RPS19BP1: variants seen among roughly 807,000 people sequenced by gnomAD.
RPS19BP1 encodes active regulator of SIRT1.
RPS19BP1 carries 14 observed loss-of-function variants against 16.6 expected under a neutral mutation model. The ratio of observed to expected loss-of-function variants is 0.84; its 90% CI spans 0.56 to 1.32. The LOEUF (loss-of-function observed/expected upper bound fraction) is 1.32, where lower values mean the gene tolerates loss of function less well. Among genes scored for constraint, RPS19BP1 ranks in the 40% most tolerant of loss-of-function variants. The probability of loss-of-function intolerance (pLI) is 0.00; values close to 1 mark genes in which losing one functional copy is unlikely to be tolerated. For missense variants in RPS19BP1, 188 were observed against 178.6 expected (o/e 1.05, Z -0.30); for synonymous variants, 90 against 77.3 (o/e 1.16, Z -0.86).
intron 2 of RPS19BP1, 61 bp downstream of exon 2, chr22:39,532,334 C>G: frequency 6.2e-7 from 1 of 1,610,600 alleles, no homozygotes; most frequent in Admixed American, 1.7e-5. Context: ...CAAGCGCCAC[C>G]TCCTCTGGGG....
intron 3 of RPS19BP1, 53 bp from the exon 4 acceptor site, chr22:39,529,676 G>A: frequency 1.9e-6 from 3 of 1,607,782 alleles, no homozygotes; most frequent in Non-Finnish European, 1.7e-6. Context: ...GAGGAGGCCC[G>A]CAAAGGTCAC....
chr22:39,529,763 G>A (rs934227473), intron 3 of RPS19BP1, 57 bp downstream of exon 3: 83 of 1,599,748 alleles, frequency 5.2e-5, no homozygotes, highest in Non-Finnish European at 7.1e-5. Context: ...TGGGTCCCTA[G>A]GGGAACAGCC....
chr22:39,530,891 A>G (rs1226675457), intron 2 of RPS19BP1: 1 of 152,188 alleles, frequency 6.6e-6, no homozygotes, highest in Admixed American at 6.6e-5. Flanking sequence ...AGCCACCCAG[A>G]GGAAAAACAA....
chr22:39,530,449 T>C, intron 2 of RPS19BP1: 1 of 238,772 alleles, frequency 4.2e-6, no homozygotes, highest in Non-Finnish European at 8.7e-6. Context: ...AATGGCTGGG[T>C]GCGGTGGCTC....
rs1931240687 is a variant in RPS19BP1, at chr22:39,529,340, C to T, written c.*152G>A. 1.9e-6 allele frequency: 2 copies of T among 1,049,046 alleles called. No homozygotes were observed. The highest frequency in any genetic ancestry group is 1.6e-5 in the African/African-American group (1 of 62,016). 65.0% of individuals were successfully genotyped at this position (1,049,046 alleles called of 1,614,324 possible). A position where few individuals can be genotyped will look rare whatever the true frequency, so the allele number is the denominator to read the frequency against. ...GACTTCCGGCCCACCAGCTCCATTCCAGCCTCCACTCGGCTCAGCTCCGCG... is the reference window on the plus strand; with the variant it reads ...GACTTCCGGCCCACCAGCTCCATTCTAGCCTCCACTCGGCTCAGCTCCGCG... On this transcript the variant is annotated 3_prime_UTR_variant, in exon 4 of 4. Coordinates refer to ENST00000334678, the MANE Select transcript of RPS19BP1 (RefSeq NM_194326.4).
At chr22:39,530,736 A>C (rs531875132) in intron 2 of RPS19BP1, 1,966 of 155,122 alleles carry the variant, frequency 0.013, 29 homozygotes, top group African/African-American at 0.033. Flanking sequence ...AAAAAAAAAA[A>C]AAACAAACCA....
At chr22:39,531,362 C>T (rs1444324424) in intron 2 of RPS19BP1, 4 of 152,240 alleles carry the variant, frequency 2.6e-5, no homozygotes, top group African/African-American at 9.6e-5. Context: ...ATTCATAATT[C>T]TTTTAACAAA....
chr22:39,530,568 A>T (rs1931282251), intron 2 of RPS19BP1: 1 of 286,930 alleles, frequency 3.5e-6, no homozygotes, highest in Non-Finnish European at 7.1e-6. Context: ...TATTAAAAAT[A>T]ACGAAAATTA....
Position 39,529,383 on chromosome 22 carries a change from T to A in RPS19BP1, c.*109A>T. 4 of 1,448,384 alleles carry A rather than the reference T, an allele frequency of 2.8e-6. No individual in the cohort carries two copies. The highest frequency in any genetic ancestry group is 3.8e-6 in the Non-Finnish European group (4 of 1,064,344). The allele number at this position is 1,448,384 out of a possible 1,614,324, so 89.7% of individuals were successfully genotyped here. On this transcript the variant is annotated 3_prime_UTR_variant, in exon 4 of 4. Coordinates refer to ENST00000334678, the MANE Select transcript of RPS19BP1 (RefSeq NM_194326.4). ...GCTCCGCGGCTTCCTCGAGCCAGGC[T>A]GGTCCTGCATCGCCATCTGCTGGCC...
Position 39,532,400 on chromosome 22 carries a change from G to A in RPS19BP1, c.176C>T (p.Ala59Val), listed in dbSNP as rs1286501669. ...NSAKGKVPKS[A>V]LDEYRKRECR... ...CAGCCCCTTCCCGAACTTACCCAGT[G>A]CCGACTTGGGCACCTTTCCCTTGGC... Residue 59 changes from alanine to valine, a missense_variant, in exon 2 of 4, where the codon GCA becomes GTA. By Grantham distance (64) the Ala-to-Val change is moderately conservative. Coordinates refer to ENST00000334678, the MANE Select transcript of RPS19BP1 (RefSeq NM_194326.4). The A allele has an allele frequency of 3.7e-6, 6 of 1,614,108 alleles. No homozygotes were observed. In the African/African-American group the frequency reaches 8.0e-5, roughly 22 times the overall value.
intron 2 of RPS19BP1, chr22:39,530,322 C>T (rs1236169526): frequency 1.3e-5 from 3 of 232,914 alleles, no homozygotes; most frequent in Non-Finnish European, 2.6e-5. Flanking sequence ...TGAAATGACT[C>T]GAAGAGAGCT....
chr22:39,529,182 C>T lies in RPS19BP1; in HGVS notation c.*310G>A. 1 of 386,234 alleles carries T rather than the reference C, an allele frequency of 2.6e-6. No individual in the cohort carries two copies. The highest frequency in any genetic ancestry group is 4.8e-6 in the Non-Finnish European group (1 of 208,644). 23.9% of individuals were successfully genotyped at this position (386,234 alleles called of 1,614,324 possible). ...CCCAAGGGCTCAGGAATTAGCCTTG[C>T]TCCACAGCAAACAGCCCAGAGGCCC... is the stretch of plus-strand genomic sequence containing the variant. On this transcript the variant is annotated 3_prime_UTR_variant, in exon 4 of 4. Coordinates refer to ENST00000334678, the MANE Select transcript of RPS19BP1 (RefSeq NM_194326.4).
Position 39,529,913 on chromosome 22 carries a change from CTCG to C in RPS19BP1, c.183_185del (p.Asp61del). 6.2e-7 allele frequency: 1 copy of C among 1,613,884 alleles called. No homozygotes were observed. The highest frequency in any genetic ancestry group is 1.1e-5 in the South Asian group (1 of 91,074). On this transcript the variant is annotated inframe_deletion and splice_region_variant, in exon 3 of 4. Coordinates refer to ENST00000334678, the MANE Select transcript of RPS19BP1 (RefSeq NM_194326.4). ...GGTCTCGACACTCTCGCTTCCGGTA[CTCG>C]TCTGTGGGTAGCAGGCAGGGAGCAC...
chr22:39,531,717 C>A (rs1435996079), intron 2 of RPS19BP1: 1 of 152,382 alleles, frequency 6.6e-6, no homozygotes, highest in Non-Finnish European at 1.5e-5. Flanking sequence ...AGACACAATG[C>A]CCGGGCAGCC....
chr22:39,530,079 T>G, intron 2 of RPS19BP1, 162 bp from the exon 3 acceptor site: 2 of 632,732 alleles, frequency 3.2e-6, no homozygotes, highest in Non-Finnish European at 5.6e-6. Flanking sequence ...CAGGTCCTGC[T>G]GAAAGCCCCA....
rs565234604 is a variant in RPS19BP1 at position 39,530,342 on chromosome 22, C to T, written c.182-425G>A. 5.5e-5 allele frequency: 12 copies of T among 217,564 alleles called. 2 individuals are homozygous for T. The highest frequency in any genetic ancestry group is 2.6e-4 in the African/African-American group (11 of 42,438). 13.5% of individuals were successfully genotyped at this position (217,564 alleles called of 1,614,324 possible). A position where few individuals can be genotyped will look rare whatever the true frequency, so the allele number is the denominator to read the frequency against. On this transcript the variant is annotated intron_variant, in intron 2 of 3. Transcript: ENST00000334678. ...TGACTCGAAGAGAGCTGTGGATATC[C>T]GGGGAAAGAGCATTTGTCTAGGTAG... is the stretch of plus-strand genomic sequence containing the variant.
rs144098340 is a variant in RPS19BP1, at chr22:39,529,854, G to T, written c.245C>A (p.Thr82Lys). 1.2e-4 allele frequency: 195 copies of T among 1,614,000 alleles called. No homozygotes were observed. The highest frequency in any genetic ancestry group is 1.5e-4 in the Non-Finnish European group (178 of 1,180,032). The change falls in exon 3 of 4, where the codon ACG (threonine) becomes AAG (lysine). Residue 82 changes from threonine (T) to lysine (K), a missense_variant. Transcript: ENST00000334678. ...LRVNLKFLTRTRSTVAESVSQ... is the reference protein window; with the variant it reads ...LRVNLKFLTRKRSTVAESVSQ... The stretch of plus-strand genomic sequence containing the variant: ...CACAGACTCAGCCACGGTGCTTCTC[G>T]TCCTGGTCAGAAACTTCAGGTTTAC...
intron 2 of RPS19BP1, 144 bp downstream of exon 2, chr22:39,532,251 T>A: frequency 8.7e-7 from 1 of 1,154,938 alleles, no homozygotes; most frequent in Non-Finnish European, 1.2e-6. Context: ...CACCTTCGTA[T>A]GTCCAGGGCC....
In RPS19BP1 at chr22:39,529,286, GCT is replaced by G. The variant is rs1489095369; in HGVS notation, c.*204_*205del. 1 of 651,156 alleles carries G rather than the reference GCT, an allele frequency of 1.5e-6. No homozygotes were observed. Among genetic ancestry groups the G allele is most frequent in the African/African-American group, 1.8e-5 (1 of 54,720 alleles). 40.3% of individuals were successfully genotyped at this position (651,156 alleles called of 1,614,324 possible). On this transcript the variant is annotated 3_prime_UTR_variant, in exon 4 of 4. Transcript: ENST00000334678. ...GCTCTGCCCAGGCCTGCGGAAGCCAGCTCCGGTCTGTGTGTAAATCCTCCCCA... is the reference window on the plus strand; with the variant it reads ...GCTCTGCCCAGGCCTGCGGAAGCCAGCCGGTCTGTGTGTAAATCCTCCCCA...
Sources: gnomAD v4.1 joint callset for allele counts on GRCh38, gnomAD v4.1.1 for gene constraint, MANE v1.5 for transcripts, NCBI Gene and HGNC (gene_info 2026-07-23, HGNC 2026-07-21) for gene names.